Variants in SRP19 observed in about 807,000 individuals in gnomAD.
SRP19 encodes signal recognition particle 19.
SRP19 carries 11 observed loss-of-function variants against 22.4 expected under a neutral mutation model. The observed-to-expected ratio is 0.49, with a 90% CI of 0.31 to 0.81. The LOEUF (loss-of-function observed/expected upper bound fraction) is 0.81, where lower values mean the gene tolerates loss of function less well. Among genes scored for constraint, SRP19 ranks in the 40% least tolerant of loss-of-function variants. The pLI, the probability that SRP19 is intolerant of heterozygous loss-of-function variation, is 0.05. For missense variants in SRP19, 168 were observed against 175.9 expected, an observed-to-expected ratio of 0.96 and a Z score of 0.25; for synonymous variants, 61 against 57.6, an observed-to-expected ratio of 1.06 and a Z score of -0.27.
Position 112,891,587 on chromosome 5 carries a change from C to T in SRP19, c.302-16C>T, listed in dbSNP as rs768432571. ...CAGTGGCAGCTATGAACAAAATCTT[C>T]CATATATTCCCATAGGTTAAGAATG... is the stretch of plus-strand genomic sequence containing the variant. On this transcript the variant is annotated splice_polypyrimidine_tract_variant and intron_variant, in intron 4 of 4. Transcript: ENST00000391338. 21 of 1,554,758 alleles carry T rather than the reference C, an allele frequency of 1.4e-5. 2 individuals are homozygous for T. In the South Asian group the frequency reaches 2.5e-4, roughly 18 times the overall value.
At chr5:112,879,722 C>A (rs944339833) in intron 4 of SRP19, among the ~76,000 whole-genome samples, 7 of 151,976 alleles carry the variant, frequency 4.6e-5, no homozygotes, top group Admixed American at 1.3e-4. Flanking sequence ...GTGATCTGCC[C>A]GCCTTGGCCT....
intron 4 of SRP19, chr5:112,878,665 T>C (rs1256574303): frequency 1.4e-6 from 2 of 1,388,508 alleles, no homozygotes; most frequent in East Asian, 4.7e-5. Flanking sequence ...TTCCAATCTT[T>C]AATATCTCAA....
chr5:112,862,706 C>A, intron 2 of SRP19, 123 bp downstream of exon 2: 1 of 830,718 alleles, frequency 1.2e-6, no homozygotes, highest in Non-Finnish European at 1.9e-6. Flanking sequence ...GGCTTGAGAA[C>A]ACAGCCAAGA....
At chr5:112,890,478 C>A (rs1389385259) in intron 4 of SRP19, among the ~76,000 whole-genome samples, 1 of 150,216 alleles carries the variant, frequency 6.7e-6, no homozygotes, top group Non-Finnish European at 1.5e-5. Context: ...AAGTGATTCT[C>A]CCGCCTCAGC....
intron 4 of SRP19, chr5:112,878,008 TG>T (rs1767950671): frequency 6.8e-6 from 1 of 148,056 alleles, no homozygotes; most frequent in Non-Finnish European, 1.5e-5. Flanking sequence ...TGTGTGTGTG[TG>T]TGTGTGTGTG....
rs1486544568 is a variant in SRP19 at position 112,868,163 on chromosome 5, T to C, written c.*626T>C. 4.1e-6 allele frequency: 4 copies of C among 985,366 alleles called. No individual in the cohort carries two copies. The highest frequency in any genetic ancestry group is 6.1e-5 in the Admixed American group (1 of 16,270). 61.0% of individuals were successfully genotyped at this position (985,366 alleles called of 1,614,324 possible). ...TTAAGCTTTAAATTTGCTTATTTTGTAGGTTTAAGAACATGATTTTCATGG... is the reference window on the plus strand; with the variant it reads ...TTAAGCTTTAAATTTGCTTATTTTGCAGGTTTAAGAACATGATTTTCATGG... On this transcript the variant is annotated 3_prime_UTR_variant, in exon 5 of 5. Coordinates refer to ENST00000505459, the MANE Select transcript of SRP19 (RefSeq NM_003135.3).
chr5:112,896,560 A>G (rs1768686642), downstream of SRP19: 1 of 152,274 alleles, frequency 6.6e-6, no homozygotes, highest in Non-Finnish European at 1.5e-5. Context: ...AAAATGTTAT[A>G]TTCTCTGTCA....
At chr5:112,865,007 A>C (rs1767544064) in intron 4 of SRP19, 2 of 247,852 alleles carry the variant, frequency 8.1e-6, no homozygotes, top group Non-Finnish European at 1.5e-5. Flanking sequence ...CTCCCAGGTT[A>C]AGAATATAAA....
chr5:112,862,572 C>G lies in SRP19; in HGVS notation c.106C>G (p.Pro36Ala), dbSNP rs149666002. 1 of 1,613,604 alleles carries G rather than the reference C, an allele frequency of 6.2e-7. No individual in the cohort carries two copies. Among genetic ancestry groups the G allele is most frequent in the Non-Finnish European group, 8.5e-7 (1 of 1,179,854 alleles). ...GACCATCGCAGAGGGAAGGCGAATC[C>G]CCATAAGTAAGGTAAGCAAGATGGC... is the stretch of plus-strand genomic sequence containing the variant. ...KKTIAEGRRI[P>A]ISKAVENPTA... The change falls in exon 2 of 5, where the codon CCC (proline) becomes GCC (alanine). Residue 36 changes from proline (P) to alanine (A), a missense_variant. Pro to Ala is a conservative substitution (Grantham distance 27). Transcript: ENST00000505459.
intron 4 of SRP19, chr5:112,886,932 A>T: frequency 2.8e-6 from 3 of 1,056,618 alleles, no homozygotes; most frequent in Non-Finnish European, 4.1e-6. Flanking sequence ...GTGATAAGAC[A>T]AGAAGGCCAG....
intron 4 of SRP19, among the ~76,000 whole-genome samples, chr5:112,879,599 G>A (rs1435033778): frequency 9.2e-5 from 14 of 152,062 alleles, no homozygotes; most frequent in African/African-American, 1.7e-4. Context: ...TCAGCCTCCC[G>A]AGTAGCTGGG....
chr5:112,891,763 C>G, exon 5 of SRP19: 2 of 1,613,922 alleles, frequency 1.2e-6, no homozygotes, highest in South Asian at 1.1e-5. Context: ...GGAACTTGCT[C>G]GACTGAGAGA....
downstream of SRP19, chr5:112,893,736 T>C (rs145730803): frequency 6.6e-6 from 1 of 152,300 alleles, no homozygotes; most frequent in Non-Finnish European, 1.5e-5. Flanking sequence ...ATCAGCCTTC[T>C]GCACACACAC....
chr5:112,891,830 A>C, exon 5 of SRP19: 2 of 1,569,602 alleles, frequency 1.3e-6, no homozygotes, highest in Non-Finnish European at 1.8e-6. Context: ...CAACAACTAG[A>C]AGAAGAGAAG....
intron 4 of SRP19, chr5:112,881,939 GT>G (rs111457700): frequency 0.5 from 70,781 of 142,238 alleles, 18,493 homozygotes; most frequent in African/African-American, 0.71. Flanking sequence ...TAATTTTTGT[GT>G]TTTTTTTTTT....
downstream of SRP19, among the ~76,000 whole-genome samples, chr5:112,871,476 C>T (rs1346433413): frequency 1.3e-5 from 2 of 151,604 alleles, no homozygotes; most frequent in Non-Finnish European, 2.9e-5. Context: ...TTTTAGAGGC[C>T]AGGTGTGGTG....
chr5:112,875,961 G>A (rs1396209260), intron 4 of SRP19, among the ~76,000 whole-genome samples: 2 of 151,892 alleles, frequency 1.3e-5, no homozygotes, highest in Non-Finnish European at 2.9e-5. Flanking sequence ...GCAGGAGAAT[G>A]GCATGAACCC....
At chr5:112,878,837 T>A in intron 4 of SRP19, 1 of 1,614,010 alleles carries the variant, frequency 6.2e-7, no homozygotes, top group South Asian at 1.1e-5. Context: ...CTTTCTTCGC[T>A]GTTTGTTTGT....
intron 2 of SRP19, among the ~76,000 whole-genome samples, chr5:112,864,223 GCCCCTGC>G (rs1440085726): frequency 1.1e-4 from 17 of 152,266 alleles, no homozygotes; most frequent in Admixed American, 6.5e-4. Context: ...ACAAAACAAA[GCCCCTGC>G]CCTCAGAAGT....
Sources: allele counts gnomAD v4.1 joint callset (sites outside exome capture counted in the v4.1 genomes callset), GRCh38; gene constraint gnomAD v4.1.1; transcripts MANE v1.5; gene names NCBI Gene and HGNC (gene_info 2026-07-23, HGNC 2026-07-21).